Variants in FNIP2 observed in about 807,000 individuals in gnomAD.
The protein encoded by FNIP2 is folliculin-interacting protein 2.
FNIP2 carries 32 observed loss-of-function variants against 108.7 expected under a neutral mutation model. The observed-to-expected ratio is 0.29, with a 90% CI of 0.22 to 0.40. The LOEUF (loss-of-function observed/expected upper bound fraction) is 0.40, where lower values mean the gene tolerates loss of function less well. Among genes scored for constraint, FNIP2 ranks in the 10% least tolerant of loss-of-function variants. The pLI is 1.00. For missense variants in FNIP2, 1,202 were observed against 1,381.6 expected (o/e 0.87, Z 2.06); for synonymous variants, 480 against 496.7 (o/e 0.97, Z 0.45).
Position 158,861,409 on chromosome 4 carries a change from G to T in FNIP2, c.1216G>T (p.Gly406Cys). The T allele has an allele frequency of 1.2e-6, 2 of 1,613,896 alleles. No homozygotes were observed. Among genetic ancestry groups the T allele is most frequent in the Non-Finnish European group, 1.7e-6 (2 of 1,179,884 alleles). ...AEPVWLTMMS[G>C]TLEKNQLCQR... ...ACCTGTATGGCTTACTATGATGTCC[G>T]GCACTTTGGAAAAAAACCAGCTCTG... Residue 406 changes from glycine (G) to cysteine (C), a missense_variant, in exon 11 of 17, where the codon GGC becomes TGC. Physicochemically the swap from Gly to Cys is radical, Grantham distance 159 (BLOSUM62 -3). Transcript: ENST00000264433.
chr4:158,885,341 T>G (rs191615890), intron 14 of FNIP2, among the ~76,000 whole-genome samples: 2 of 152,244 alleles, frequency 1.3e-5, no homozygotes, highest in East Asian at 3.9e-4. Context: ...GAACTGAATA[T>G]GTACAGATTG....
chr4:158,806,263 G>A (rs1391658194), intron 1 of FNIP2: 1 of 1,289,378 alleles, frequency 7.8e-7, no homozygotes, highest in South Asian at 1.2e-5. Flanking sequence ...CGGCGGCACA[G>A]CGAACACCAC....
At chr4:158,848,775 G>A (rs976101599) in intron 7 of FNIP2, among the ~76,000 whole-genome samples, 1 of 152,134 alleles carries the variant, frequency 6.6e-6, no homozygotes, top group Non-Finnish European at 1.5e-5. Context: ...TGAAGAAATG[G>A]AAATAATTAA....
rs142042855 is a variant in FNIP2 at position 158,776,332 on chromosome 4, C to G, written c.107+7013C>G. Among the ~76,000 whole-genome samples, 846 of 152,332 alleles carry G rather than the reference C, an allele frequency of 5.6e-3. 8 individuals are homozygous for G. Among genetic ancestry groups the G allele is most frequent in the African/African-American group, 0.02 (814 of 41,566 alleles). ...CAAGTTAGACGTTAACCTGCACATT[C>G]CTCAAGAGATGAAACAGGTGTTGAT... On this transcript the variant is annotated intron_variant, in intron 1 of 16. Transcript: ENST00000264433.
At chr4:158,837,334 G>C (rs189406117) in intron 7 of FNIP2, among the ~76,000 whole-genome samples, 203 of 152,256 alleles carry the variant, frequency 1.3e-3, no homozygotes, top group African/African-American at 4.6e-3. Flanking sequence ...TTCTACTGGG[G>C]CCCGTTCTGA....
chr4:158,788,853 G>T (rs184643032), intron 1 of FNIP2, among the ~76,000 whole-genome samples: 103 of 152,334 alleles, frequency 6.8e-4, no homozygotes, highest in African/African-American at 2.4e-3. Context: ...CATCAGTTGT[G>T]CTGTGGCCAT....
intron 14 of FNIP2, among the ~76,000 whole-genome samples, chr4:158,878,803 A>G (rs1322299177): frequency 1.3e-5 from 2 of 152,250 alleles, no homozygotes; most frequent in Non-Finnish European, 2.9e-5. Flanking sequence ...TGATAAAAAG[A>G]AGGAATTGGA....
intron 1 of FNIP2, among the ~76,000 whole-genome samples, chr4:158,808,376 A>G (rs1777086377): frequency 6.6e-6 from 1 of 152,148 alleles, no homozygotes; most frequent in South Asian, 2.1e-4. Flanking sequence ...CATACCTGTT[A>G]TCCTCTTTCC....
intron 14 of FNIP2, chr4:158,872,560 G>A (rs1781013712): frequency 3.0e-6 from 3 of 985,070 alleles, no homozygotes; most frequent in Admixed American, 6.2e-5. Flanking sequence ...GCCATGCGTG[G>A]GTGTTAATAG....
At chr4:158,894,650 C>T (rs1429735497) in intron 15 of FNIP2, among the ~76,000 whole-genome samples, 1 of 152,068 alleles carries the variant, frequency 6.6e-6, no homozygotes, top group Non-Finnish European at 1.5e-5. Context: ...GTGACTCTTA[C>T]TAAAAATTTT....
At chr4:158,860,551 G>A (rs546160682) in intron 10 of FNIP2, among the ~76,000 whole-genome samples, 1 of 151,750 alleles carries the variant, frequency 6.6e-6, no homozygotes, top group South Asian at 2.1e-4. Context: ...CTGATGATTA[G>A]TAAACCTTCC....
Position 158,907,943 on chromosome 4 carries a change from T to C in FNIP2, c.*3399T>C, listed in dbSNP as rs1729982251. On this transcript the variant is annotated 3_prime_UTR_variant, in exon 17 of 17. Coordinates refer to ENST00000264433, the MANE Select transcript of FNIP2 (RefSeq NM_020840.3). ...GGACTTCGTTTTTGATCAGTCTGAA[T>C]AGATACCAATGTCATTGTGTGGGAA... is the stretch of plus-strand genomic sequence containing the variant. The C allele has an allele frequency of 6.6e-6, 1 of 152,218 alleles. No homozygotes were observed. Among genetic ancestry groups the C allele is most frequent in the African/African-American group, 2.4e-5 (1 of 41,454 alleles). The allele number at this position is 152,218 out of a possible 1,614,324, so 9.4% of individuals were successfully genotyped here.
At chr4:158,769,647 G>C (rs1177744910) in intron 1 of FNIP2, among the ~76,000 whole-genome samples, 2 of 152,326 alleles carry the variant, frequency 1.3e-5, no homozygotes, top group East Asian at 3.9e-4. Context: ...CCCCTTCCGG[G>C]CAGAGCCGCC....
chr4:158,784,196 G>A (rs1776142425), intron 1 of FNIP2, among the ~76,000 whole-genome samples: 1 of 152,226 alleles, frequency 6.6e-6, no homozygotes, highest in South Asian at 2.1e-4. Context: ...TTGCCAAAGA[G>A]CCCAGAAAAT....
intron 1 of FNIP2, among the ~76,000 whole-genome samples, chr4:158,785,413 C>A (rs1353803699): frequency 6.6e-6 from 1 of 152,020 alleles, no homozygotes; most frequent in East Asian, 1.9e-4. Context: ...AAATTTGTCT[C>A]CAAATTTGAA....
chr4:158,775,258 T>C (rs551981536), intron 1 of FNIP2, among the ~76,000 whole-genome samples: 21 of 152,342 alleles, frequency 1.4e-4, no homozygotes, highest in African/African-American at 4.8e-4. Flanking sequence ...GTACTGATTG[T>C]ACAAGCCCCT....
intron 1 of FNIP2, among the ~76,000 whole-genome samples, chr4:158,818,819 TGC>T (rs1777718760): frequency 6.6e-6 from 1 of 152,228 alleles, no homozygotes; most frequent in Admixed American, 6.5e-5. Flanking sequence ...ATAAGGCAGA[TGC>T]ATTTTGGGAA....
At chr4:158,898,315 A>T (rs1782878235) in intron 16 of FNIP2, among the ~76,000 whole-genome samples, 1 of 152,192 alleles carries the variant, frequency 6.6e-6, no homozygotes, top group Non-Finnish European at 1.5e-5. Context: ...TGCCTTGGCT[A>T]TGCAGGCTCT....
chr4:158,892,544 TGAAA>T (rs1782349986), intron 15 of FNIP2, among the ~76,000 whole-genome samples: 1 of 151,864 alleles, frequency 6.6e-6, no homozygotes, highest in African/African-American at 2.4e-5. Flanking sequence ...GCAGAGAAAT[TGAAA>T]GAAAGAGAAA....
Sources: allele counts gnomAD v4.1 joint callset (sites outside exome capture counted in the v4.1 genomes callset), GRCh38; gene constraint gnomAD v4.1.1; transcripts MANE v1.5; gene names NCBI Gene and HGNC (gene_info 2026-07-23, HGNC 2026-07-21).